CASK: variants seen among roughly 807,000 people sequenced by gnomAD.
CASK encodes peripheral plasma membrane protein CASK.
In CASK, 4 loss-of-function variants were observed where a neutral mutation model predicts 82.9. That is an observed-to-expected ratio of 0.05 (90% CI 0.02 to 0.11). The LOEUF is 0.11. Ranked by LOEUF, CASK falls within the 10% of genes least tolerant of loss-of-function variation. The pLI, the probability that CASK is intolerant of heterozygous loss-of-function variation, is 1.00. For missense variants in CASK, 358 were observed against 720.9 expected (o/e 0.50, Z 5.76); for synonymous variants, 259 against 253.5 (o/e 1.02, Z -0.20).
intron 5 of CASK, chrX:41,728,165 T>C (rs976559189): frequency 1.7e-4 from 64 of 373,588 alleles, no homozygotes; most frequent in Non-Finnish European, 1.8e-5. Context: ...CTTTGGTTTT[T>C]AAAAATAAAT....
Position 41,774,730 on chromosome X carries a change from G to A in CASK, c.278+12448C>T, listed in dbSNP as rs368923496. 3.2e-4 allele frequency among the ~76,000 whole-genome samples: 35 copies of A among 108,518 alleles called. 1 individual carries two copies. The highest frequency in any genetic ancestry group is 9.4e-4 in the African/African-American group (28 of 29,881). The allele number at this position is 108,518 out of a possible 115,157, so 94.2% of individuals were successfully genotyped here. A position where few individuals can be genotyped will look rare whatever the true frequency, so the allele number is the denominator to read the frequency against. The stretch of plus-strand genomic sequence containing the variant: ...GAACAGAGCCCTCAGAAATAATGCC[G>A]CATATCTACAACTATCTGATCTTTG... On this transcript the variant is annotated intron_variant, in intron 3 of 26. Transcript: ENST00000378163.
intron 8 of CASK, among the ~76,000 whole-genome samples, chrX:41,641,061 C>T (rs1366137642): frequency 1.0e-5 from 1 of 99,796 alleles, no homozygotes; most frequent in Admixed American, 1.1e-4. Flanking sequence ...TCTTGGCTCA[C>T]TGCAACCTCC....
intron 5 of CASK, among the ~76,000 whole-genome samples, chrX:41,738,221 C>G (rs951017320): frequency 1.8e-5 from 2 of 112,588 alleles, no homozygotes; most frequent in Non-Finnish European, 3.8e-5. Context: ...GTGATCCACC[C>G]GCCTTGGCCT....
At chrX:41,632,565 T>C (rs2066487545) in intron 9 of CASK, among the ~76,000 whole-genome samples, 1 of 111,824 alleles carries the variant, frequency 8.9e-6, no homozygotes, top group Non-Finnish European at 1.9e-5. Context: ...AATTTTACTT[T>C]TTATTTAATA....
At chrX:41,706,183 C>T (rs1310223822) in intron 5 of CASK, among the ~76,000 whole-genome samples, 1 of 111,581 alleles carries the variant, frequency 9.0e-6, no homozygotes, top group East Asian at 2.8e-4. Flanking sequence ...TATTCAGTTC[C>T]CCTTTGTGGC....
chrX:41,575,536 T>TA (rs200744366), intron 15 of CASK, among the ~76,000 whole-genome samples: 42 of 103,615 alleles, frequency 4.1e-4, no homozygotes, highest in East Asian at 3.0e-3. Context: ...TTCCAATCAA[T>TA]AAAAAAAAAA....
intron 5 of CASK, among the ~76,000 whole-genome samples, chrX:41,710,081 T>TTGTGTGTGTGTGTGTGTGTGTGTG (rs57963407): frequency 8.3e-5 from 6 of 72,185 alleles, no homozygotes; most frequent in African/African-American, 1.6e-4. Flanking sequence ...GGTATAGATT[T>TTGTGTGTGTGTGTGTGTGTGTGTG]TGTGTGTGTG....
intron 5 of CASK, among the ~76,000 whole-genome samples, chrX:41,702,371 G>A (rs2067813822): frequency 9.4e-6 from 1 of 106,224 alleles, no homozygotes; most frequent in African/African-American, 3.5e-5. Context: ...GGCAACAAGA[G>A]CAAAACTTCG....
At chrX:41,844,032 G>A (rs2071099898) in intron 2 of CASK, among the ~76,000 whole-genome samples, 1 of 111,182 alleles carries the variant, frequency 9.0e-6, no homozygotes, top group South Asian at 3.7e-4. Flanking sequence ...ATTTCTCTTA[G>A]GCATATGTCT....
chrX:41,554,134 T>C (rs903435526), intron 20 of CASK, among the ~76,000 whole-genome samples: 1 of 112,501 alleles, frequency 8.9e-6, no homozygotes, highest in Non-Finnish European at 1.9e-5. Flanking sequence ...GCTGTTTTTA[T>C]TTGGAAGGAA....
intron 16 of CASK, among the ~76,000 whole-genome samples, chrX:41,565,422 G>A (rs1462369570): frequency 1.8e-5 from 2 of 111,791 alleles, no homozygotes; most frequent in Non-Finnish European, 3.8e-5. Context: ...CGATCCCACA[G>A]AAATACAAAC....
intron 12 of CASK, among the ~76,000 whole-genome samples, chrX:41,598,740 G>T (rs1322667853): frequency 8.9e-6 from 1 of 111,908 alleles, no homozygotes; most frequent in East Asian, 2.8e-4. Context: ...GTTACAAAAA[G>T]AAATCAAAAT....
chrX:41,904,933 T>C lies in CASK; in HGVS notation c.59+17997A>G, dbSNP rs762981605. On this transcript the variant is annotated intron_variant, in intron 1 of 26. Coordinates refer to ENST00000378163, the MANE Select transcript of CASK (RefSeq NM_001367721.1). ...CAAAGGATATAATCTTATTCTTTTT[T>C]ATGGCTGCATAGTATCCCACAGTAT... 4.5e-5 allele frequency among the ~76,000 whole-genome samples: 5 copies of C among 112,356 alleles called. No homozygotes were observed. In the South Asian group the frequency reaches 1.9e-3, roughly 42 times the overall value.
intron 5 of CASK, among the ~76,000 whole-genome samples, chrX:41,706,961 G>A (rs188722780): frequency 3.5e-4 from 39 of 112,206 alleles, no homozygotes; most frequent in African/African-American, 1.1e-3. Context: ...AGGAAACTAC[G>A]AACTCTGAGA....
chrX:41,720,977 T>G (rs1385608700), intron 5 of CASK, among the ~76,000 whole-genome samples: 5 of 111,633 alleles, frequency 4.5e-5, no homozygotes, highest in Admixed American at 1.9e-4. Flanking sequence ...AGCAGGAAAA[T>G]TAATACAAGA....
chrX:41,696,459 A>G, intron 5 of CASK: 2 of 1,201,038 alleles, frequency 1.7e-6, no homozygotes, highest in Non-Finnish European at 2.3e-6. Flanking sequence ...TATCATTTTT[A>G]CTATATGTTT....
At chrX:41,894,597 TAAAAAAA>T (rs1209248352) in intron 1 of CASK, among the ~76,000 whole-genome samples, 1 of 40,488 alleles carries the variant, frequency 2.5e-5, no homozygotes, top group African/African-American at 9.8e-5. Flanking sequence ...ACCCAAATAT[TAAAAAAA>T]AAAAAAAAAA....
intron 3 of CASK, among the ~76,000 whole-genome samples, chrX:41,781,115 A>C (rs1458258808): frequency 9.1e-6 from 1 of 109,961 alleles, no homozygotes; most frequent in Non-Finnish European, 1.9e-5. Context: ...TAATTTTTAA[A>C]ATTTTTTCGT....
chrX:41,675,746 T>C (rs1467378487), intron 5 of CASK: 10 of 1,196,990 alleles, frequency 8.4e-6, no homozygotes, highest in African/African-American at 5.3e-5. Flanking sequence ...ACACAAAAGT[T>C]GGAAGGCCGG....
Sources: gnomAD v4.1 joint callset for allele counts (sites outside exome capture counted in the v4.1 genomes callset) on GRCh38, gnomAD v4.1.1 for gene constraint, MANE v1.5 for transcripts, NCBI Gene and HGNC (gene_info 2026-07-23, HGNC 2026-07-21) for gene names.